The following TNFAIP8 variants were observed in gnomAD, a reference collection of about 807,000 sequenced individuals.
TNFAIP8 encodes the protein TNF alpha induced protein 8.
TNFAIP8 carries 7 observed loss-of-function variants against 13.3 expected under a neutral mutation model. The ratio of observed to expected loss-of-function variants is 0.52; its 90% confidence interval spans 0.30 to 0.99. The LOEUF (loss-of-function observed/expected upper bound fraction) is 0.99, where lower values mean the gene tolerates loss of function less well. TNFAIP8 is among the 50% of genes least tolerant of loss of function. The pLI is 0.07. For missense variants in TNFAIP8, 258 were observed against 236.9 expected (o/e 1.09, Z -0.58); for synonymous variants, 94 against 87.6 (o/e 1.07, Z -0.41).
chr5:119,380,057 C>CTAT (rs1000281886), intron 1 of TNFAIP8, among the ~76,000 whole-genome samples: 9 of 152,194 alleles, frequency 5.9e-5, no homozygotes, highest in Non-Finnish European at 1.0e-4. Flanking sequence ...CAGCTGTGTG[C>CTAT]TATAGTAAGA....
intron 1 of TNFAIP8, among the ~76,000 whole-genome samples, chr5:119,272,897 C>G (rs1198697867): frequency 6.6e-6 from 1 of 152,182 alleles, no homozygotes; most frequent in Admixed American, 6.5e-5. Flanking sequence ...GTGTACAGAT[C>G]TTTTCCACTA....
At chr5:119,288,603 C>A (rs1276221958) in intron 1 of TNFAIP8, among the ~76,000 whole-genome samples, 1 of 152,184 alleles carries the variant, frequency 6.6e-6, no homozygotes, top group African/African-American at 2.4e-5. Flanking sequence ...TGGAAGGCAG[C>A]CTTTCCTTAT....
At chr5:119,291,361 A>T (rs1001183318) in intron 1 of TNFAIP8, among the ~76,000 whole-genome samples, 2 of 152,248 alleles carry the variant, frequency 1.3e-5, no homozygotes, top group African/African-American at 4.8e-5. Flanking sequence ...TCGGCCTGTC[A>T]TGCATAATTT....
chr5:119,333,620 T>C, intron 1 of TNFAIP8: 3 of 1,535,326 alleles, frequency 2.0e-6, no homozygotes, highest in Non-Finnish European at 2.6e-6. Context: ...GGGGAGAAAA[T>C]GCTGAAACTA....
At chr5:119,317,597 AATTATT>A (rs769259324) in intron 1 of TNFAIP8, among the ~76,000 whole-genome samples, 69 of 148,142 alleles carry the variant, frequency 4.7e-4, no homozygotes, top group South Asian at 6.3e-4. Flanking sequence ...TAATAATAAT[AATTATT>A]ATTATTATTA....
At chr5:119,316,728 C>G (rs1204314759) in intron 1 of TNFAIP8, among the ~76,000 whole-genome samples, 1 of 152,172 alleles carries the variant, frequency 6.6e-6, no homozygotes, top group East Asian at 1.9e-4. Flanking sequence ...TTTTTAAAAC[C>G]TCCTCAGATG....
intron 1 of TNFAIP8, among the ~76,000 whole-genome samples, chr5:119,330,091 G>A (rs1434272427): frequency 6.6e-6 from 1 of 152,080 alleles, no homozygotes; most frequent in Non-Finnish European, 1.5e-5. Context: ...TATAATTAGC[G>A]CCATGGTTTA....
At position 119,398,974 on chromosome 5, in the gene TNFAIP8, A is replaced by G. The variant is rs933124851; in HGVS notation, c.*5593A>G. The G allele has an allele frequency of 6.6e-6, 1 of 152,214 alleles. No homozygotes were observed. Among genetic ancestry groups the G allele is most frequent in the African/African-American group, 2.4e-5 (1 of 41,440 alleles). The allele number at this position is 152,214 out of a possible 1,614,324, so 9.4% of individuals were successfully genotyped here. A position where few individuals can be genotyped will look rare whatever the true frequency, so the allele number is the denominator to read the frequency against. On this transcript the variant is annotated 3_prime_UTR_variant, in exon 2 of 2. Coordinates refer to ENST00000504771, the MANE Select transcript of TNFAIP8 (RefSeq NM_014350.4). ...TTTCACTAAAGGATAAATACCTGCTAAGCAAATTATAAAATACTATAAGAC... is the reference window on the plus strand; with the variant it reads ...TTTCACTAAAGGATAAATACCTGCTGAGCAAATTATAAAATACTATAAGAC...
At chr5:119,387,314 T>G (rs574266111) in intron 1 of TNFAIP8, among the ~76,000 whole-genome samples, 1 of 152,352 alleles carries the variant, frequency 6.6e-6, no homozygotes, top group East Asian at 1.9e-4. Flanking sequence ...TAAAGAACTT[T>G]TATTAACAGA....
chr5:119,318,842 T>C (rs976002181), intron 1 of TNFAIP8, among the ~76,000 whole-genome samples: 2 of 152,138 alleles, frequency 1.3e-5, no homozygotes, highest in East Asian at 3.9e-4. Flanking sequence ...TTTTAAAAAT[T>C]GTTTTAGCCT....
At chr5:119,314,174 CAA>C (rs1749814321) in intron 1 of TNFAIP8, among the ~76,000 whole-genome samples, 2 of 2,928 alleles carry the variant, frequency 6.8e-4, no homozygotes, top group East Asian at 0.019. Context: ...TCTCTAAAAA[CAA>C]ACAAACAAAC....
chr5:119,384,160 ACCT>A (rs1445377169), intron 1 of TNFAIP8, among the ~76,000 whole-genome samples: 2 of 151,840 alleles, frequency 1.3e-5, no homozygotes, highest in African/African-American at 4.8e-5. Context: ...TATAATAATA[ACCT>A]CCTTCCTAGG....
In TNFAIP8 at chr5:119,279,649, A is replaced by G. The variant is rs115163709; in HGVS notation, c.1+10742A>G. ...GCAATGGCTATTCACAGGCACAATCATAGCACACTACAACCTCAAACTCTT... is the reference window on the plus strand; with the variant it reads ...GCAATGGCTATTCACAGGCACAATCGTAGCACACTACAACCTCAAACTCTT... On this transcript the variant is annotated intron_variant, in intron 1 of 1. Coordinates refer to the TNFAIP8 transcript ENST00000274456. Among the ~76,000 whole-genome samples the G allele has an allele frequency of 5.2e-3, 795 of 152,210 alleles. 2 individuals are homozygous for G. Among genetic ancestry groups the G allele is most frequent in the Middle Eastern group, 0.02 (6 of 294 alleles).
At chr5:119,325,089 A>T (rs66535134) in intron 1 of TNFAIP8, among the ~76,000 whole-genome samples, 13,317 of 152,228 alleles carry the variant, frequency 0.087, 631 homozygotes, top group African/African-American at 0.14. Flanking sequence ...AAAATAAAAA[A>T]AAAAAGACTG....
intron 1 of TNFAIP8, among the ~76,000 whole-genome samples, chr5:119,331,535 AG>A (rs1460611659): frequency 6.6e-6 from 1 of 152,214 alleles, no homozygotes; most frequent in Non-Finnish European, 1.5e-5. Context: ...CTCCAAAACC[AG>A]GAGTTTCCTG....
At position 119,396,992 on chromosome 5, in the gene TNFAIP8, C is replaced by G. The variant is rs974728704; in HGVS notation, c.*3611C>G. 1.3e-4 allele frequency: 7 copies of G among 55,638 alleles called. No homozygotes were observed. Among genetic ancestry groups the G allele is most frequent in the Middle Eastern group, 0.012 (1 of 86 alleles). 3.4% of individuals were successfully genotyped at this position (55,638 alleles called of 1,614,324 possible). On this transcript the variant is annotated 3_prime_UTR_variant, in exon 2 of 2. Coordinates refer to ENST00000504771, the MANE Select transcript of TNFAIP8 (RefSeq NM_014350.4). ...CTGGGCAACAAGAACGAAACCCCGT[C>G]TCAAAAAAAAAAAAAAAAAAAAAAA...
chr5:119,370,464 T>C (rs369424618), intron 1 of TNFAIP8, among the ~76,000 whole-genome samples: 19 of 152,372 alleles, frequency 1.2e-4, no homozygotes, highest in African/African-American at 4.6e-4. Context: ...ATAGACTTTA[T>C]CAGACTTTGA....
At chr5:119,299,898 T>C (rs983633353) in intron 1 of TNFAIP8, among the ~76,000 whole-genome samples, 1 of 152,180 alleles carries the variant, frequency 6.6e-6, no homozygotes, top group Non-Finnish European at 1.5e-5. Context: ...TCCGTGGGCG[T>C]AGGACCCTCT....
At chr5:119,302,476 A>T (rs1561991518) in intron 1 of TNFAIP8, among the ~76,000 whole-genome samples, 1 of 152,198 alleles carries the variant, frequency 6.6e-6, no homozygotes, top group Non-Finnish European at 1.5e-5. Flanking sequence ...AAAAGTAAAA[A>T]TTCACCTGTC....
Sources: gnomAD v4.1 joint callset for allele counts (sites outside exome capture counted in the v4.1 genomes callset) on GRCh38, gnomAD v4.1.1 for gene constraint, MANE v1.5 for transcripts, NCBI Gene and HGNC (gene_info 2026-07-23, HGNC 2026-07-21) for gene names.